ADARB2: variants seen among roughly 807,000 people sequenced by gnomAD.
ADARB2 encodes the protein inactive double-stranded RNA-specific editase B2.
Under a neutral mutation model 62.2 loss-of-function variants are expected in ADARB2, and 25 were observed. The ratio of observed to expected loss-of-function variants is 0.40; its 90% confidence interval spans 0.29 to 0.56. The LOEUF (loss-of-function observed/expected upper bound fraction) is 0.56. ADARB2 is among the 20% of genes least tolerant of loss of function. ADARB2 has a pLI of 0.43. For missense variants in ADARB2, 1,071 were observed against 1,077.4 expected (o/e 0.99, Z 0.08); for synonymous variants, 572 against 500.8 (o/e 1.14, Z -1.90).
intron 2 of ADARB2, among the ~76,000 whole-genome samples, chr10:1,374,185 A>G (rs1396356572): frequency 6.6e-6 from 1 of 152,188 alleles, no homozygotes; most frequent in East Asian, 1.9e-4. Flanking sequence ...AGAGAGCTGC[A>G]CGTATCCTTC....
intron 1 of ADARB2, among the ~76,000 whole-genome samples, chr10:1,502,883 CAG>C (rs201936169): frequency 0.011 from 1,604 of 152,316 alleles, 23 homozygotes; most frequent in Non-Finnish European, 0.014. Context: ...GTCTGCATTT[CAG>C]AGAGATCTTG....
At chr10:1,312,358 G>A (rs1006712215) in intron 3 of ADARB2, among the ~76,000 whole-genome samples, 8 of 152,186 alleles carry the variant, frequency 5.3e-5, no homozygotes, top group African/African-American at 1.2e-4. Context: ...GTGAGCCCCC[G>A]GCAGGCCCCA....
At chr10:1,266,071 G>C (rs533135663) in intron 4 of ADARB2, among the ~76,000 whole-genome samples, 1 of 147,788 alleles carries the variant, frequency 6.8e-6, no homozygotes, top group East Asian at 2.1e-4. Flanking sequence ...ACGCTCCCCC[G>C]GAAGACGGCC....
intron 1 of ADARB2, among the ~76,000 whole-genome samples, chr10:1,587,777 G>T (rs1833199078): frequency 6.6e-6 from 1 of 152,150 alleles, no homozygotes; most frequent in Non-Finnish European, 1.5e-5. Flanking sequence ...GACCTGGTGG[G>T]AGGTAATTGA....
intron 3 of ADARB2, among the ~76,000 whole-genome samples, chr10:1,311,865 G>A (rs1003301618): frequency 4.6e-5 from 7 of 152,170 alleles, no homozygotes; most frequent in South Asian, 4.1e-4. Context: ...TAAGCCTCCC[G>A]GAGAATGTGA....
rs867523794 is a variant in ADARB2 at position 1,402,311 on chromosome 10, G to A, written c.101-23151C>T. On this transcript the variant is annotated intron_variant, in intron 1 of 9. Transcript: ENST00000381312. ...GGCGCCTTCTAAAATCTACTTCTGA[G>A]CGATTTGCTCATCAACCGCTATTCT... 2.6e-5 allele frequency among the ~76,000 whole-genome samples: 4 copies of A among 152,280 alleles called. No individual in the cohort carries two copies. In the South Asian group the frequency reaches 8.3e-4, roughly 32 times the overall value.
Position 1,327,380 on chromosome 10 carries a change from A to C in ADARB2, c.1077+35648T>G, listed in dbSNP as rs573823647. On this transcript the variant is annotated intron_variant, in intron 3 of 9. Coordinates refer to ENST00000381312, the MANE Select transcript of ADARB2 (RefSeq NM_018702.4). ...TCACGGCCCAGCGCCTCCCCACGGC[A>C]CAGCGCCTCCCCACTGCACAGCGCC... Among the ~76,000 whole-genome samples, 30 of 46,106 alleles carry C rather than the reference A, an allele frequency of 6.5e-4. 7 individuals are homozygous for C. The highest frequency in any genetic ancestry group is 2.7e-3 in the African/African-American group (23 of 8,578). The allele number at this position is 46,106 out of a possible 152,430, so 30.2% of individuals were successfully genotyped here. A position where few individuals can be genotyped will look rare whatever the true frequency, so the allele number is the denominator to read the frequency against.
chr10:1,457,279 G>A (rs1831106171), intron 1 of ADARB2, among the ~76,000 whole-genome samples: 2 of 152,328 alleles, frequency 1.3e-5, no homozygotes, highest in Admixed American at 1.3e-4. Context: ...GCTGGCCAGG[G>A]CGCTGGACAC....
intron 1 of ADARB2, among the ~76,000 whole-genome samples, chr10:1,611,070 G>A (rs1466232172): frequency 2.6e-5 from 4 of 152,158 alleles, no homozygotes; most frequent in African/African-American, 9.7e-5. Flanking sequence ...CTGGTGCCGC[G>A]TGTCTGCAAG....
At chr10:1,353,001 C>T (rs1403918046) in intron 3 of ADARB2, among the ~76,000 whole-genome samples, 1 of 152,212 alleles carries the variant, frequency 6.6e-6, no homozygotes, top group Non-Finnish European at 1.5e-5. Context: ...ACCAGCCCTC[C>T]TCTTAGAACC....
chr10:1,379,433 C>T (rs1225541678), intron 1 of ADARB2, among the ~76,000 whole-genome samples: 2 of 152,140 alleles, frequency 1.3e-5, no homozygotes, highest in African/African-American at 4.8e-5. Context: ...TTAAAACTTG[C>T]TATCTCCAGG....
intron 3 of ADARB2, among the ~76,000 whole-genome samples, chr10:1,321,361 A>G (rs1246808476): frequency 6.6e-6 from 1 of 152,158 alleles, no homozygotes; most frequent in Non-Finnish European, 1.5e-5. Context: ...CCATCCTCAG[A>G]TACAGAAGTA....
chr10:1,543,911 A>G (rs1832476250), intron 1 of ADARB2, among the ~76,000 whole-genome samples: 1 of 151,750 alleles, frequency 6.6e-6, no homozygotes, highest in African/African-American at 2.4e-5. Context: ...TCTGTATTTT[A>G]AGAACTTATC....
Position 1,452,625 on chromosome 10 carries a change from G to C in ADARB2, c.101-73465C>G, listed in dbSNP as rs1455432015. ...CTCATGGACACGGGGGTTGGGGGGG[G>C]GAATATCACACACTGGGGCCTGTTG... On this transcript the variant is annotated intron_variant, in intron 1 of 9. Coordinates refer to ENST00000381312, the MANE Select transcript of ADARB2 (RefSeq NM_018702.4). 2.3e-5 allele frequency among the ~76,000 whole-genome samples: 3 copies of C among 132,466 alleles called. No individual in the cohort carries two copies. The Admixed American group carries it at 2.4e-4, about 10-fold the overall frequency. 86.9% of individuals were successfully genotyped at this position (132,466 alleles called of 152,430 possible). A position where few individuals can be genotyped will look rare whatever the true frequency, so the allele number is the denominator to read the frequency against.
intron 4 of ADARB2, among the ~76,000 whole-genome samples, chr10:1,245,717 T>A (rs917862597): frequency 1.3e-5 from 2 of 152,246 alleles, no homozygotes; most frequent in South Asian, 4.1e-4. Context: ...TGTGCCACAT[T>A]TTCTGAAACC....
intron 1 of ADARB2, among the ~76,000 whole-genome samples, chr10:1,481,632 G>A (rs959914101): frequency 3.5e-4 from 7 of 20,080 alleles, no homozygotes; most frequent in South Asian, 0.015. Context: ...GCTGAAGTGT[G>A]CGGATCACGA....
At chr10:1,701,773 G>A (rs867754413) in intron 1 of ADARB2, among the ~76,000 whole-genome samples, 1 of 110,216 alleles carries the variant, frequency 9.1e-6, no homozygotes, top group Non-Finnish European at 2.0e-5. Context: ...GTCAATACAC[G>A]CAATCCCACT....
intron 1 of ADARB2, among the ~76,000 whole-genome samples, chr10:1,553,932 C>T (rs943881626): frequency 2.0e-5 from 3 of 152,166 alleles, no homozygotes; most frequent in Non-Finnish European, 4.4e-5. Flanking sequence ...TCTAAAATTA[C>T]ACAAATCAGC....
intron 1 of ADARB2, among the ~76,000 whole-genome samples, chr10:1,598,399 C>T (rs962629353): frequency 2.0e-5 from 3 of 152,248 alleles, no homozygotes; most frequent in Non-Finnish European, 2.9e-5. Context: ...AAGAAATCTG[C>T]AGCTATAGCC....
Sources: gnomAD v4.1 joint callset for allele counts (sites outside exome capture counted in the v4.1 genomes callset) on GRCh38, gnomAD v4.1.1 for gene constraint, MANE v1.5 for transcripts, NCBI Gene and HGNC (gene_info 2026-07-23, HGNC 2026-07-21) for gene names.